The following DEPDC5 variants were observed in gnomAD, a reference collection of about 807,000 sequenced individuals.
DEPDC5 encodes the protein GATOR1 complex protein DEPDC5.
Under a neutral mutation model 217.3 loss-of-function variants are expected in DEPDC5, and 73 were observed. That is an observed-to-expected ratio of 0.34 (90% confidence interval 0.28 to 0.41). The LOEUF is 0.41. Among genes scored for constraint, DEPDC5 ranks in the 10% least tolerant of loss-of-function variants. The pLI is 1.00. For synonymous variants in DEPDC5, 733 were observed against 756.7 expected (o/e 0.97, Z 0.51); for missense variants, 1,675 against 2,070.1 (o/e 0.81, Z 3.70).
intron 4 of DEPDC5, among the ~76,000 whole-genome samples, chr22:31,763,609 G>A (rs2082583048): frequency 6.6e-6 from 1 of 151,346 alleles, no homozygotes; most frequent in Non-Finnish European, 1.5e-5. Flanking sequence ...ACAGGATCAT[G>A]CCTGGCTAAT....
At chr22:31,905,694 A>G (rs1381275991) in intron 41 of DEPDC5, among the ~76,000 whole-genome samples, 1 of 152,002 alleles carries the variant, frequency 6.6e-6, no homozygotes, top group African/African-American at 2.4e-5. Context: ...TGAAGAGTGC[A>G]GCCGGTGGGA....
intron 27 of DEPDC5, among the ~76,000 whole-genome samples, chr22:31,840,974 A>G (rs1399021512): frequency 6.6e-6 from 1 of 152,230 alleles, no homozygotes; most frequent in East Asian, 1.9e-4. Context: ...ACACAGAAAT[A>G]ACTGGGGTGC....
chr22:31,879,448 A>G (rs958102029), intron 37 of DEPDC5, 77 bp from the exon 38 acceptor site: 18 of 1,377,060 alleles, frequency 1.3e-5, no homozygotes, highest in Middle Eastern at 3.5e-4. Flanking sequence ...TTTAAGGTTT[A>G]TCAAGTTGTA....
At chr22:31,843,324 CT>C (rs2091510942) in intron 28 of DEPDC5, 112 bp downstream of exon 28, 4 of 1,162,682 alleles carry the variant, frequency 3.4e-6, no homozygotes, top group Non-Finnish European at 4.9e-6. Flanking sequence ...GTTGGTTTTT[CT>C]TTTGGAGTTT....
chr22:31,865,524 C>T (rs1743688027), intron 33 of DEPDC5, among the ~76,000 whole-genome samples: 1 of 151,758 alleles, frequency 6.6e-6, no homozygotes, highest in African/African-American at 2.4e-5. Flanking sequence ...CAAAACAAAA[C>T]ATATATATAT....
At chr22:31,896,952 A>T (rs1386474632) in intron 39 of DEPDC5, among the ~76,000 whole-genome samples, 1 of 152,180 alleles carries the variant, frequency 6.6e-6, no homozygotes, top group Admixed American at 6.5e-5. Flanking sequence ...CCCCGTCTCT[A>T]CTAAAAATAC....
intron 12 of DEPDC5, among the ~76,000 whole-genome samples, chr22:31,793,930 T>C (rs2085962111): frequency 6.6e-6 from 1 of 152,156 alleles, no homozygotes; most frequent in Admixed American, 6.6e-5. Context: ...TTACGGGACT[T>C]AGCATGAATG....
chr22:31,798,048 G>T (rs966485138), intron 13 of DEPDC5, among the ~76,000 whole-genome samples: 2 of 151,846 alleles, frequency 1.3e-5, no homozygotes, highest in Non-Finnish European at 2.9e-5. Flanking sequence ...AGCCTCCCGG[G>T]TAGCTAGGAC....
chr22:31,856,153 GCGCACA>G (rs1395682362), intron 31 of DEPDC5, among the ~76,000 whole-genome samples: 70 of 108,264 alleles, frequency 6.5e-4, no homozygotes, highest in Admixed American at 1.4e-3. Context: ...TTGGGCCAAC[GCGCACA>G]CACACACACA....
intron 15 of DEPDC5, among the ~76,000 whole-genome samples, chr22:31,803,643 C>T (rs528806232): frequency 5.9e-5 from 9 of 151,818 alleles, no homozygotes; most frequent in East Asian, 1.9e-4. Context: ...GGAGTTGGGA[C>T]GCTGAGGCAG....
intron 20 of DEPDC5, among the ~76,000 whole-genome samples, chr22:31,812,856 TCAG>T (rs2088591329): frequency 6.6e-6 from 1 of 151,166 alleles, no homozygotes. Context: ...GTCTTGTGCC[TCAG>T]CCTCCCGAGT....
At position 31,838,749 on chromosome 22, in the gene DEPDC5, C is replaced by A; in HGVS notation, c.2419C>A (p.Leu807Ile). ...QVFEEFICQR[L>I]MQGYQIIVQP... Reference sequence around the variant, plus strand: ...ATTTGAAGAGTTTATTTGCCAACGTCTCATGCAGGGCTACCAAATCATAGT... The same window carrying A: ...ATTTGAAGAGTTTATTTGCCAACGTATCATGCAGGGCTACCAAATCATAGT... Residue 807 changes from leucine to isoleucine, a missense_variant, in exon 27 of 43, where the codon CTC becomes ATC. Physicochemically the swap from Leu to Ile is conservative, Grantham distance 5. Coordinates refer to ENST00000651528, the MANE Select transcript of DEPDC5 (RefSeq NM_001242896.3). 1 of 1,614,126 alleles carries A rather than the reference C, an allele frequency of 6.2e-7. No homozygotes were observed. Among genetic ancestry groups the A allele is most frequent in the South Asian group, 1.1e-5 (1 of 91,082 alleles).
chr22:31,768,996 C>G (rs564554485), intron 7 of DEPDC5, 133 bp downstream of exon 7: 2 of 1,196,918 alleles, frequency 1.7e-6, no homozygotes, highest in Non-Finnish European at 2.4e-6. Flanking sequence ...CACAGTGGCT[C>G]ACGCCTGTAA....
At chr22:31,776,088 T>C (rs1246083596) in intron 7 of DEPDC5, among the ~76,000 whole-genome samples, 2 of 149,770 alleles carry the variant, frequency 1.3e-5, no homozygotes, top group Non-Finnish European at 3.0e-5. Context: ...AGGCGTAGGC[T>C]TCATTGTCTC....
chr22:31,905,720 A>T (rs113593537), intron 41 of DEPDC5, among the ~76,000 whole-genome samples: 2 of 152,024 alleles, frequency 1.3e-5, no homozygotes, highest in African/African-American at 4.8e-5. Context: ...TTCTTTCACT[A>T]TGGTGGTAGT....
chr22:31,807,109 A>T (rs942510215), intron 18 of DEPDC5, among the ~76,000 whole-genome samples: 1 of 152,220 alleles, frequency 6.6e-6, no homozygotes, highest in Non-Finnish European at 1.5e-5. Flanking sequence ...ATTAATAATT[A>T]TATCACATGC....
intron 35 of DEPDC5, chr22:31,874,063 G>C (rs576273994): frequency 4.8e-6 from 3 of 624,030 alleles, no homozygotes; most frequent in South Asian, 4.5e-5. Context: ...AAAGTGCTGG[G>C]ATTACAGGCG....
chr22:31,772,539 A>G (rs1030357546), intron 7 of DEPDC5, among the ~76,000 whole-genome samples: 9 of 152,206 alleles, frequency 5.9e-5, no homozygotes, highest in South Asian at 4.1e-4. Flanking sequence ...GTCAAGGACC[A>G]GTTAATAAAT....
intron 29 of DEPDC5, 123 bp from the exon 30 acceptor site, chr22:31,844,895 C>G (rs1266335290): frequency 2.0e-6 from 2 of 976,560 alleles, no homozygotes; most frequent in Admixed American, 4.4e-5. Context: ...GCTGTAGCAT[C>G]AAATGAGCAC....
Sources: allele counts gnomAD v4.1 joint callset (sites outside exome capture counted in the v4.1 genomes callset), GRCh38; gene constraint gnomAD v4.1.1; transcripts MANE v1.5; gene names NCBI Gene and HGNC (gene_info 2026-07-23, HGNC 2026-07-21).